CAMTA1: variants seen among roughly 807,000 people sequenced by gnomAD.
CAMTA1 encodes the protein calmodulin-binding transcription activator 1.
A neutral mutation model predicts 170.9 loss-of-function variants in CAMTA1; 27 were observed. The observed-to-expected ratio is 0.16, with a 90% CI of 0.12 to 0.22. CAMTA1 has a LOEUF of 0.22. Ranked by LOEUF, CAMTA1 falls within the 10% of genes least tolerant of loss-of-function variation. CAMTA1 has a pLI of 1.00. For synonymous variants in CAMTA1, 833 were observed against 891.5 expected, an observed-to-expected ratio of 0.93 and a Z score of 1.17; for missense variants, 1,619 against 2,217.2, an observed-to-expected ratio of 0.73 and a Z score of 5.42.
intron 6 of CAMTA1, among the ~76,000 whole-genome samples, chr1:7,508,900 A>C (rs2094160498): frequency 6.6e-6 from 1 of 152,160 alleles, no homozygotes; most frequent in Non-Finnish European, 1.5e-5. Flanking sequence ...TCTGCAACTC[A>C]CTCAGCTAAT....
chr1:6,957,715 T>A (rs1161092037), intron 3 of CAMTA1, among the ~76,000 whole-genome samples: 1 of 151,144 alleles, frequency 6.6e-6, no homozygotes, highest in Non-Finnish European at 1.5e-5. Context: ...ATCAGCTGAT[T>A]AGTTGCCTTA....
intron 4 of CAMTA1, among the ~76,000 whole-genome samples, chr1:7,133,267 T>G (rs773579659): frequency 1.6e-4 from 24 of 152,200 alleles, no homozygotes. Flanking sequence ...TTTTAATAGG[T>G]AAAGGTCTAT....
chr1:7,699,136 A>G (rs368663019), intron 11 of CAMTA1, among the ~76,000 whole-genome samples: 1 of 152,166 alleles, frequency 6.6e-6, no homozygotes, highest in Non-Finnish European at 1.5e-5. Flanking sequence ...CATAATTAAC[A>G]TACCATACAA....
At chr1:7,276,739 G>A (rs1670787983) in intron 5 of CAMTA1, among the ~76,000 whole-genome samples, 1 of 152,080 alleles carries the variant, frequency 6.6e-6, no homozygotes, top group African/African-American at 2.4e-5. Context: ...GCCAGGAAAA[G>A]AAATAAAAGG....
chr1:7,028,734 T>G lies in CAMTA1; in HGVS notation c.235-62570T>G, dbSNP rs114095057. 8.4e-3 allele frequency among the ~76,000 whole-genome samples: 1,283 copies of G among 152,332 alleles called. 19 individuals carry two copies. The highest frequency in any genetic ancestry group is 0.029 in the African/African-American group (1,213 of 41,576). On this transcript the variant is annotated intron_variant, in intron 3 of 22. Coordinates refer to ENST00000303635, the MANE Select transcript of CAMTA1 (RefSeq NM_015215.4). Reference sequence around the variant, plus strand: ...CCACAGCCCTGCTTTAGAGTATTTCTTTTTGCCTGTCCTTTGCACGTGCTC... The same window carrying G: ...CCACAGCCCTGCTTTAGAGTATTTCGTTTTGCCTGTCCTTTGCACGTGCTC...
At chr1:6,886,753 T>G (rs1673343661) in intron 3 of CAMTA1, among the ~76,000 whole-genome samples, 1 of 152,188 alleles carries the variant, frequency 6.6e-6, no homozygotes, top group East Asian at 1.9e-4. Flanking sequence ...GTGTGGAGTG[T>G]TTTATCTACA....
chr1:7,680,890 G>GCTGCTGCTGCTGCT lies in CAMTA1; in HGVS notation c.2914+3157_2914+3158insCTGCTGCTGCTGCT, dbSNP rs2096196193. Among the ~76,000 whole-genome samples the GCTGCTGCTGCTGCT allele has an allele frequency of 8.1e-6, 1 of 123,598 alleles. No homozygotes were observed. Among genetic ancestry groups the GCTGCTGCTGCTGCT allele is most frequent in the Non-Finnish European group, 1.9e-5 (1 of 53,960 alleles). 81.1% of individuals were successfully genotyped at this position (123,598 alleles called of 152,430 possible). On this transcript the variant is annotated intron_variant, in intron 11 of 22. Transcript: ENST00000303635. This position sits in a 1 kb window ranked among gnomAD's most constrained non-coding sequence, Gnocchi z 4.4. ...CAGCAGCAGCAGCAGCAGCTGCTGC[G>GCTGCTGCTGCTGCT]GCGAAGTCTTTGTCCCCGCGGCGCA...
intron 4 of CAMTA1, among the ~76,000 whole-genome samples, chr1:7,104,363 TAC>T (rs1052494369): frequency 1.2e-5 from 1 of 86,764 alleles, no homozygotes. Context: ...AAATACTCAA[TAC>T]ACATACACAC....
rs1708555720 is a variant in CAMTA1 at position 7,063,503 on chromosome 1, A to T, written c.235-27801A>T. On this transcript the variant is annotated intron_variant, in intron 3 of 22. Transcript: ENST00000303635. The surrounding 1 kb of genome is among the most constrained non-coding windows in gnomAD (Gnocchi z 4.3). ...CATTGCAGATTGGAGGCAGGGGCAG[A>T]CTACCTTCTAGACAGAACTTTCCAA... is the stretch of plus-strand genomic sequence containing the variant. 6.6e-6 allele frequency among the ~76,000 whole-genome samples: 1 copy of T among 152,242 alleles called. No homozygotes were observed. The highest frequency in any genetic ancestry group is 2.4e-5 in the African/African-American group (1 of 41,464).
At chr1:7,458,571 G>C (rs1011720002) in intron 5 of CAMTA1, among the ~76,000 whole-genome samples, 12 of 152,212 alleles carry the variant, frequency 7.9e-5, no homozygotes, top group African/African-American at 2.7e-4. Flanking sequence ...TCCCGCCCCT[G>C]CCCAGAGGAG....
At chr1:7,540,341 G>A (rs901717876) in intron 6 of CAMTA1, among the ~76,000 whole-genome samples, 3 of 152,152 alleles carry the variant, frequency 2.0e-5, no homozygotes, top group Admixed American at 6.5e-5. Flanking sequence ...GTTTAGTCAG[G>A]GTGAGCTCCT....
intron 6 of CAMTA1, 45 bp from the exon 7 acceptor site, chr1:7,640,355 G>C (rs996580878): frequency 6.2e-7 from 1 of 1,608,018 alleles, no homozygotes. Context: ...GACCCTGGTG[G>C]GCTCCATGCC....
chr1:6,846,925 G>A (rs1039870745), intron 3 of CAMTA1, among the ~76,000 whole-genome samples: 1 of 151,584 alleles, frequency 6.6e-6, no homozygotes, highest in Non-Finnish European at 1.5e-5. Context: ...AGGTATAATA[G>A]AATTATAAAG....
chr1:7,364,186 G>A (rs2085784951), intron 5 of CAMTA1, among the ~76,000 whole-genome samples: 1 of 152,222 alleles, frequency 6.6e-6, no homozygotes, highest in South Asian at 2.1e-4. Context: ...ACTCTATGCA[G>A]GTGGTGTGCA....
intron 6 of CAMTA1, among the ~76,000 whole-genome samples, chr1:7,566,422 G>A (rs17031144): frequency 0.042 from 6,435 of 152,254 alleles, 473 homozygotes; most frequent in African/African-American, 0.15. Context: ...AGCACCCACC[G>A]AGTTGCAGGC....
chr1:6,981,528 G>A (rs988715701), intron 3 of CAMTA1, among the ~76,000 whole-genome samples: 2 of 152,098 alleles, frequency 1.3e-5, no homozygotes, highest in African/African-American at 4.8e-5. Context: ...AACCTCCTGG[G>A]CTCAAGTGAT....
At chr1:7,068,813 G>GA (rs1638217847) in intron 3 of CAMTA1, among the ~76,000 whole-genome samples, 1 of 152,120 alleles carries the variant, frequency 6.6e-6, no homozygotes, top group Non-Finnish European at 1.5e-5. Context: ...TGCTGGGCGT[G>GA]AAAATCTTCT....
intron 3 of CAMTA1, among the ~76,000 whole-genome samples, chr1:6,919,616 A>G (rs142986385): frequency 2.6e-4 from 39 of 152,320 alleles, no homozygotes; most frequent in African/African-American, 9.1e-4. Context: ...TGGTGGGTGT[A>G]TTAGTCTGTT....
At chr1:7,256,841 G>A (rs1667452146) in intron 5 of CAMTA1, among the ~76,000 whole-genome samples, 1 of 152,166 alleles carries the variant, frequency 6.6e-6, no homozygotes. Flanking sequence ...CCTGTTTCCT[G>A]GGCATTTTGG....
Sources: allele counts gnomAD v4.1 joint callset (sites outside exome capture counted in the v4.1 genomes callset), GRCh38; gene constraint gnomAD v4.1.1; non-coding constraint Gnocchi (gnomAD v3.1); transcripts MANE v1.5; gene names NCBI Gene and HGNC (gene_info 2026-07-23, HGNC 2026-07-21).